Variants in PCDHA4 observed in about 807,000 individuals in gnomAD.
The protein encoded by PCDHA4 is protocadherin alpha 4.
A neutral mutation model predicts 61.4 loss-of-function variants in PCDHA4; 49 were observed. The ratio of observed to expected loss-of-function variants is 0.80; its 90% confidence interval spans 0.63 to 1.01. PCDHA4 has a LOEUF of 1.01. Among genes scored for constraint, PCDHA4 ranks in the 50% least tolerant of loss-of-function variants. PCDHA4 has a pLI of 0.00. For synonymous variants in PCDHA4, 590 were observed against 550.3 expected (o/e 1.07, Z -1.01); for missense variants, 1,254 against 1,235.8 (o/e 1.01, Z -0.22).
chr5:140,926,811 C>T, intron 1 of PCDHA4: 3 of 1,464,260 alleles, frequency 2.0e-6, no homozygotes, highest in Admixed American at 5.2e-5. Flanking sequence ...CCCCGCGGCT[C>T]GTGCTCTCCA....
At chr5:140,838,432 A>G (rs1426566624) in intron 1 of PCDHA4, among the ~76,000 whole-genome samples, 2 of 151,466 alleles carry the variant, frequency 1.3e-5, no homozygotes, top group African/African-American at 4.9e-5. Flanking sequence ...CCTAAATTAT[A>G]TATTGGGTTT....
Position 141,009,665 on chromosome 5 carries a change from G to T in PCDHA4, c.2572G>T (p.Gly858Cys). 6.2e-7 allele frequency: 1 copy of T among 1,614,022 alleles called. No individual in the cohort carries two copies. Among genetic ancestry groups the T allele is most frequent in the Non-Finnish European group, 8.5e-7 (1 of 1,180,006 alleles). The change falls in exon 4 of 4, where the codon GGT becomes TGT. Residue 858 changes from glycine to cysteine, a missense_variant. By Grantham distance (159) the Gly-to-Cys change is radical (BLOSUM62 -3). Transcript: ENST00000530339. The stretch of plus-strand genomic sequence containing the variant: ...AGAAGTGTCCCCTCCAGTCGGTGCG[G>T]GTGTCAACAGCAACAGCTGGACCTT... ...AGEVSPPVGA[G>C]VNSNSWTFKY...
At position 141,010,430 on chromosome 5, in the gene PCDHA4, A is replaced by T; in HGVS notation, c.*493A>T. On this transcript the variant is annotated 3_prime_UTR_variant, in exon 4 of 4. Transcript: ENST00000530339. ...CTAATTGGTACAAGGAAGGCAAGAA[A>T]ACAAAGACAAATAAACAGCGGAAGT... 9.4e-7 allele frequency: 1 copy of T among 1,058,474 alleles called. No homozygotes were observed. Among genetic ancestry groups the T allele is most frequent in the Non-Finnish European group, 1.3e-6 (1 of 756,992 alleles). 65.6% of individuals were successfully genotyped at this position (1,058,474 alleles called of 1,614,324 possible). A position where few individuals can be genotyped will look rare whatever the true frequency, so the allele number is the denominator to read the frequency against.
At chr5:140,832,534 G>A (rs1772034648) in intron 1 of PCDHA4, among the ~76,000 whole-genome samples, 1 of 152,208 alleles carries the variant, frequency 6.6e-6, no homozygotes, top group African/African-American at 2.4e-5. Flanking sequence ...ATCACCATTT[G>A]TGTAGCTAAT....
At chr5:141,003,968 G>A (rs1262948428) in intron 3 of PCDHA4, among the ~76,000 whole-genome samples, 1 of 152,148 alleles carries the variant, frequency 6.6e-6, no homozygotes, top group Non-Finnish European at 1.5e-5. Flanking sequence ...GGAGCATAAG[G>A]GAGGGGACTT....
intron 1 of PCDHA4, among the ~76,000 whole-genome samples, chr5:140,900,485 C>T (rs577392455): frequency 6.6e-5 from 10 of 152,310 alleles, no homozygotes; most frequent in African/African-American, 2.2e-4. Flanking sequence ...CCATGTTGGT[C>T]AGACTGGTCT....
At chr5:140,832,788 A>C (rs1330713880) in intron 1 of PCDHA4, among the ~76,000 whole-genome samples, 1 of 152,194 alleles carries the variant, frequency 6.6e-6, no homozygotes, top group Non-Finnish European at 1.5e-5. Context: ...AGAAAGGTAC[A>C]TCATAGTGTT....
rs781878255 is a variant in PCDHA4 at position 140,856,536 on chromosome 5, A to G, written c.2385+46964A>G. 8.1e-6 allele frequency: 13 copies of G among 1,598,388 alleles called. 1 individual carries two copies. The East Asian group carries it at 2.2e-4, about 27-fold the overall frequency. ...GGCGCATCTGATGCGGATGTTGGAG[A>G]GAACGCATTGCTTACTTACAAACTC... is the stretch of plus-strand genomic sequence containing the variant. On this transcript the variant is annotated intron_variant, in intron 1 of 3. Transcript: ENST00000530339.
Position 140,847,574 on chromosome 5 carries a change from G to T in PCDHA4, c.2385+38002G>T, listed in dbSNP as rs1038933297. 2 of 149,278 alleles carry T rather than the reference G, an allele frequency of 1.3e-5. 1 individual carries two copies. The highest frequency in any genetic ancestry group is 3.0e-5 in the Non-Finnish European group (2 of 66,762). The allele number at this position is 149,278 out of a possible 1,614,324, so 9.2% of individuals were successfully genotyped here. On this transcript the variant is annotated intron_variant, in intron 1 of 3. Coordinates refer to ENST00000530339, the MANE Select transcript of PCDHA4 (RefSeq NM_018907.4). The stretch of plus-strand genomic sequence containing the variant: ...AACAGAAATTGCCCCGAGTACTAAG[G>T]ATGAGCAATAATGAAATTAAAACAT...
At position 140,849,443 on chromosome 5, in the gene PCDHA4, C is replaced by G. The variant is rs2150437584; in HGVS notation, c.2385+39871C>G. On this transcript the variant is annotated intron_variant, in intron 1 of 3. Coordinates refer to ENST00000530339, the MANE Select transcript of PCDHA4 (RefSeq NM_018907.4). ...TGGATTTTGAAGAAAGTAGAGCACA[C>G]AAGATCCCAGTCGAGGCTGTCGATA... 1.9e-6 allele frequency: 3 copies of G among 1,584,788 alleles called. 1 individual carries two copies. The highest frequency in any genetic ancestry group is 8.6e-7 in the Non-Finnish European group (1 of 1,160,072).
At chr5:140,898,972 C>G (rs1180112967) in intron 1 of PCDHA4, among the ~76,000 whole-genome samples, 2 of 151,980 alleles carry the variant, frequency 1.3e-5, no homozygotes, top group African/African-American at 4.8e-5. Flanking sequence ...GGAGTTCACT[C>G]ATGATTTGGC....
intron 1 of PCDHA4, chr5:140,842,491 GC>G (rs1554139099): frequency 2.5e-6 from 4 of 1,613,896 alleles, no homozygotes; most frequent in Non-Finnish European, 3.4e-6. Context: ...GCTCCCTGAT[GC>G]CCCATGTCCC....
intron 3 of PCDHA4, among the ~76,000 whole-genome samples, chr5:140,998,871 A>C (rs1554256499): frequency 6.6e-6 from 1 of 152,200 alleles, no homozygotes; most frequent in African/African-American, 2.4e-5. Flanking sequence ...CTTGTAAATA[A>C]TAAGTTTAGT....
intron 1 of PCDHA4, chr5:140,929,361 C>T (rs115903226): frequency 3.5e-5 from 53 of 1,519,472 alleles, no homozygotes; most frequent in Middle Eastern, 1.8e-4. Context: ...TCCTTTGGCC[C>T]GGAGATGGCT....
rs1554164208 is a variant in PCDHA4 at position 140,870,406 on chromosome 5, T to G, written c.2385+60834T>G. ...GCGGGATGGGGGTTCGCCTTCTCTG[T>G]GGGCCACGGCCAGGGTATCCGTGGA... On this transcript the variant is annotated intron_variant, in intron 1 of 3. Transcript: ENST00000530339. 1.2e-5 allele frequency: 20 copies of G among 1,614,192 alleles called. No individual in the cohort carries two copies. The highest frequency in any genetic ancestry group is 1.5e-5 in the Non-Finnish European group (18 of 1,180,034).
chr5:140,820,621 C>T (rs1420826782), intron 1 of PCDHA4, among the ~76,000 whole-genome samples: 3 of 151,872 alleles, frequency 2.0e-5, no homozygotes, highest in African/African-American at 7.2e-5. Flanking sequence ...CAAATCATAC[C>T]ATCCAGTAAA....
chr5:140,820,008 T>C (rs1766668534), intron 1 of PCDHA4, among the ~76,000 whole-genome samples: 2 of 152,032 alleles, frequency 1.3e-5, no homozygotes, highest in South Asian at 4.1e-4. Context: ...CTACTATAAT[T>C]TATTCCATAG....
chr5:140,928,643 T>C (rs2085399261), intron 1 of PCDHA4: 7 of 1,614,222 alleles, frequency 4.3e-6, no homozygotes, highest in Non-Finnish European at 5.9e-6. Context: ...ACAAAAGTGG[T>C]AGCAGAGGAT....
intron 1 of PCDHA4, chr5:140,828,048 A>C: frequency 6.5e-7 from 1 of 1,544,030 alleles, no homozygotes; most frequent in Non-Finnish European, 8.7e-7. Flanking sequence ...TTTTATCTTT[A>C]TGCGGAAGAT....
Sources: gnomAD v4.1 joint callset for allele counts (sites outside exome capture counted in the v4.1 genomes callset) on GRCh38, gnomAD v4.1.1 for gene constraint, MANE v1.5 for transcripts, NCBI Gene and HGNC (gene_info 2026-07-23, HGNC 2026-07-21) for gene names.